The following HECW2 variants were observed in gnomAD, a reference collection of about 807,000 sequenced individuals.
HECW2 encodes the protein E3 ubiquitin-protein ligase HECW2.
In HECW2, 61 loss-of-function variants were observed where a neutral mutation model predicts 175.2. That is an observed-to-expected ratio of 0.35 (90% CI 0.28 to 0.43). The LOEUF (loss-of-function observed/expected upper bound fraction) is 0.43. HECW2 is among the 20% of genes least tolerant of loss of function. The probability of loss-of-function intolerance (pLI) is 1.00; values close to 1 mark genes in which losing one functional copy is unlikely to be tolerated. For missense variants in HECW2, 1,524 were observed against 2,000.5 expected (o/e 0.76, Z 4.54); for synonymous variants, 671 against 731.0 (o/e 0.92, Z 1.32).
chr2:196,431,795 A>T (rs897019656), intron 2 of HECW2, among the ~76,000 whole-genome samples: 1 of 152,246 alleles, frequency 6.6e-6, no homozygotes, highest in African/African-American at 2.4e-5. Flanking sequence ...CCATAAGGAA[A>T]AAAAAGAGAG....
chr2:196,396,951 A>T (rs901904975), intron 2 of HECW2, among the ~76,000 whole-genome samples: 20 of 152,020 alleles, frequency 1.3e-4, no homozygotes, highest in African/African-American at 4.3e-4. Flanking sequence ...CTCTACTAAA[A>T]ATACAAAAAA....
At chr2:196,542,470 G>A (rs967490128) in intron 1 of HECW2, among the ~76,000 whole-genome samples, 1 of 152,108 alleles carries the variant, frequency 6.6e-6, no homozygotes, top group African/African-American at 2.4e-5. Context: ...CTACTGACAT[G>A]GGAAATTGCT....
At chr2:196,432,593 C>A (rs1471533372) in intron 2 of HECW2, among the ~76,000 whole-genome samples, 1 of 152,140 alleles carries the variant, frequency 6.6e-6, no homozygotes, top group Non-Finnish European at 1.5e-5. Flanking sequence ...ATTTATAAGT[C>A]ATTTGTCAGG....
chr2:196,237,729 A>G (rs1463383471), intron 21 of HECW2, among the ~76,000 whole-genome samples: 1 of 152,260 alleles, frequency 6.6e-6, no homozygotes, highest in East Asian at 1.9e-4. Context: ...TTTATAATCA[A>G]TAGCCTTGTA....
chr2:196,407,704 A>T (rs1695001427), intron 2 of HECW2, among the ~76,000 whole-genome samples: 1 of 152,216 alleles, frequency 6.6e-6, no homozygotes, highest in Non-Finnish European at 1.5e-5. Context: ...TAAATTAACA[A>T]ATGAAAACAA....
intron 19 of HECW2, among the ~76,000 whole-genome samples, chr2:196,249,446 C>T (rs6761827): frequency 0.59 from 86,427 of 145,578 alleles, 27,242 homozygotes; most frequent in Non-Finnish European, 0.72. Flanking sequence ...TACATGTCAA[C>T]GTGCTTGGAA....
rs139772370 is a variant in HECW2, at chr2:196,366,582, A to G, written c.293-22818T>C. 5.3e-3 allele frequency among the ~76,000 whole-genome samples: 815 copies of G among 152,342 alleles called. 8 individuals carry two copies. Among genetic ancestry groups the G allele is most frequent in the Middle Eastern group, 0.02 (6 of 294 alleles). On this transcript the variant is annotated intron_variant, in intron 2 of 28. Coordinates refer to ENST00000644978, the MANE Select transcript of HECW2 (RefSeq NM_001348768.2). ...CTTCACCTACTTCCACCACAGAATT[A>G]AAGACCCAGCTATAGTGGTATCTGC...
chr2:196,341,591 C>G (rs10179178), intron 3 of HECW2, among the ~76,000 whole-genome samples: 33,441 of 152,158 alleles, frequency 0.22, 4,292 homozygotes, highest in African/African-American at 0.35. Flanking sequence ...AGTTTTCTTC[C>G]AAACTTTCCT....
intron 1 of HECW2, among the ~76,000 whole-genome samples, chr2:196,492,968 A>G (rs1687255333): frequency 6.6e-6 from 1 of 152,254 alleles, no homozygotes; most frequent in African/African-American, 2.4e-5. Context: ...TAAATAGACA[A>G]AAACACTGCT....
At chr2:196,289,820 A>G (rs1243605231) in intron 14 of HECW2, 1 of 152,220 alleles carries the variant, frequency 6.6e-6, no homozygotes, top group African/African-American at 2.4e-5. Flanking sequence ...CATGCAGCCC[A>G]AAGCAGAGTA....
rs985487098 is a variant in HECW2, at chr2:196,194,129, C to T, written c.*7148G>A. ...CATTCCTTTAACATTAACAGCCCATCAAACAGTAAAATATTCTTGTAGGGA... is the reference window on the plus strand; with the variant it reads ...CATTCCTTTAACATTAACAGCCCATTAAACAGTAAAATATTCTTGTAGGGA... On this transcript the variant is annotated 3_prime_UTR_variant, in exon 29 of 29. Transcript: ENST00000644978. The T allele has an allele frequency of 4.6e-5, 7 of 151,936 alleles. No homozygotes were observed. The highest frequency in any genetic ancestry group is 1.0e-4 in the Non-Finnish European group (7 of 67,970). The allele number at this position is 151,936 out of a possible 1,614,324, so 9.4% of individuals were successfully genotyped here. A position where few individuals can be genotyped will look rare whatever the true frequency, so the allele number is the denominator to read the frequency against.
intron 2 of HECW2, among the ~76,000 whole-genome samples, chr2:196,348,736 C>T (rs751788483): frequency 3.3e-5 from 5 of 152,154 alleles, no homozygotes; most frequent in Non-Finnish European, 5.9e-5. Context: ...GTAATTATAA[C>T]TTTATTTCTT....
At chr2:196,372,245 T>G (rs1380431973) in intron 2 of HECW2, among the ~76,000 whole-genome samples, 1 of 152,242 alleles carries the variant, frequency 6.6e-6, no homozygotes, top group Non-Finnish European at 1.5e-5. Flanking sequence ...GCACAAAGTA[T>G]CAGTAAATTA....
intron 1 of HECW2, among the ~76,000 whole-genome samples, chr2:196,536,899 G>A (rs1263439476): frequency 6.6e-6 from 1 of 152,188 alleles, no homozygotes; most frequent in Admixed American, 6.5e-5. Context: ...AACTGAGCAA[G>A]TCCAGAGGTC....
chr2:196,544,865 G>A (rs1478319625), intron 1 of HECW2, among the ~76,000 whole-genome samples: 2 of 152,250 alleles, frequency 1.3e-5, no homozygotes, highest in Admixed American at 6.5e-5. Context: ...AAAGGGCCCC[G>A]CAGGACCTCG....
intron 1 of HECW2, among the ~76,000 whole-genome samples, chr2:196,527,349 A>G (rs950804540): frequency 1.1e-4 from 16 of 152,200 alleles, no homozygotes; most frequent in African/African-American, 3.1e-4. Flanking sequence ...CGCACGGTGC[A>G]CGCACCCACT....
At chr2:196,475,892 G>A (rs1402827105) in intron 1 of HECW2, among the ~76,000 whole-genome samples, 1 of 152,216 alleles carries the variant, frequency 6.6e-6, no homozygotes, top group Non-Finnish European at 1.5e-5. Context: ...GAGCATTCAG[G>A]CAAACCACAG....
rs1358773896 is a variant in HECW2, at chr2:196,324,916, G to A, written c.741+64C>T. The A allele has an allele frequency of 2.2e-6, 3 of 1,363,936 alleles. No individual in the cohort carries two copies. The Admixed American group carries it at 7.2e-5, about 33-fold the overall frequency. The allele number at this position is 1,363,936 out of a possible 1,614,324, so 84.5% of individuals were successfully genotyped here. A position where few individuals can be genotyped will look rare whatever the true frequency, so the allele number is the denominator to read the frequency against. On this transcript the variant is annotated intron_variant, in intron 6 of 28. Transcript: ENST00000644978. ...AACCTGAGGGATGCAAAAGTCTCAAGGAAAGAGAGAGACTGGGCTGACTTC... is the reference window on the plus strand; with the variant it reads ...AACCTGAGGGATGCAAAAGTCTCAAAGAAAGAGAGAGACTGGGCTGACTTC...
chr2:196,343,086 G>GTA (rs1553503741), intron 3 of HECW2, among the ~76,000 whole-genome samples: 10,479 of 151,342 alleles, frequency 0.069, 519 homozygotes, highest in African/African-American at 0.14. Flanking sequence ...GTGTGTGTGT[G>GTA]TATATACATA....
Sources: allele counts gnomAD v4.1 joint callset (sites outside exome capture counted in the v4.1 genomes callset), GRCh38; gene constraint gnomAD v4.1.1; transcripts MANE v1.5; gene names NCBI Gene and HGNC (gene_info 2026-07-23, HGNC 2026-07-21).